The following LRRC4C variants were observed in gnomAD, a reference collection of about 807,000 sequenced individuals.
LRRC4C encodes leucine rich repeat containing 4C.
A neutral mutation model predicts 33.6 loss-of-function variants in LRRC4C; 5 were observed. The ratio of observed to expected loss-of-function variants is 0.15; its 90% CI spans 0.08 to 0.31. The LOEUF is 0.31. Ranked by LOEUF, LRRC4C falls within the 10% of genes least tolerant of loss-of-function variation. The pLI, the probability that LRRC4C is intolerant of heterozygous loss-of-function variation, is 1.00. For missense variants in LRRC4C, 560 were observed against 796.7 expected (o/e 0.70, Z 3.58); for synonymous variants, 329 against 302.0 (o/e 1.09, Z -0.93).
chr11:40,621,081 C>A (rs1302078251), intron 3 of LRRC4C, among the ~76,000 whole-genome samples: 16 of 151,524 alleles, frequency 1.1e-4, no homozygotes, highest in Admixed American at 9.9e-4. Context: ...GGTTTTATCT[C>A]TTCTTTCAGC....
intron 1 of LRRC4C, among the ~76,000 whole-genome samples, chr11:41,168,397 A>G (rs1353037078): frequency 2.0e-5 from 3 of 152,214 alleles, no homozygotes; most frequent in Non-Finnish European, 2.9e-5. Flanking sequence ...TCCACCATTT[A>G]GTTAAATTAC....
chr11:41,030,015 G>C (rs1012317282), intron 1 of LRRC4C, among the ~76,000 whole-genome samples: 3 of 151,720 alleles, frequency 2.0e-5, no homozygotes, highest in African/African-American at 7.3e-5. Flanking sequence ...GATACTGCAG[G>C]GTGAACAAAC....
chr11:40,747,951 G>GA (rs1948505039), intron 2 of LRRC4C, among the ~76,000 whole-genome samples: 1 of 152,030 alleles, frequency 6.6e-6, no homozygotes, highest in Non-Finnish European at 1.5e-5. Flanking sequence ...AGTCCCAAGA[G>GA]GCAAAGAGAG....
intron 3 of LRRC4C, among the ~76,000 whole-genome samples, chr11:40,647,669 C>T (rs774651926): frequency 6.6e-6 from 1 of 152,096 alleles, no homozygotes; most frequent in Non-Finnish European, 1.5e-5. Context: ...AAGAGAGAAT[C>T]GAAAGCCAGC....
At chr11:40,510,156 A>T (rs913966012) in intron 3 of LRRC4C, among the ~76,000 whole-genome samples, 1 of 149,946 alleles carries the variant, frequency 6.7e-6, no homozygotes, top group Non-Finnish European at 1.5e-5. Flanking sequence ...CCTGCAATCA[A>T]TATATATGTA....
At chr11:41,208,939 G>A (rs533217365) in intron 1 of LRRC4C, among the ~76,000 whole-genome samples, 1 of 152,196 alleles carries the variant, frequency 6.6e-6, no homozygotes, top group African/African-American at 2.4e-5. Flanking sequence ...TGAGAAGGTG[G>A]GGCTGCTGCA....
At chr11:40,473,957 A>G (rs1316040065) in intron 3 of LRRC4C, among the ~76,000 whole-genome samples, 1 of 152,328 alleles carries the variant, frequency 6.6e-6, no homozygotes, top group East Asian at 1.9e-4. Flanking sequence ...AAGAGAGGAC[A>G]CAAACAAACG....
At chr11:41,259,032 C>T (rs1380057138) in intron 1 of LRRC4C, among the ~76,000 whole-genome samples, 1 of 152,040 alleles carries the variant, frequency 6.6e-6, no homozygotes, top group African/African-American at 2.4e-5. Context: ...AATTTGCTTG[C>T]TAAAAAGCAT....
chr11:40,122,645 C>T (rs181515355), intron 6 of LRRC4C, among the ~76,000 whole-genome samples: 32 of 152,190 alleles, frequency 2.1e-4, no homozygotes, highest in African/African-American at 7.5e-4. Flanking sequence ...ATAAAGTCAG[C>T]TCTGCTTTAT....
At chr11:41,253,344 C>T (rs1414484487) in intron 1 of LRRC4C, among the ~76,000 whole-genome samples, 1 of 152,078 alleles carries the variant, frequency 6.6e-6, no homozygotes, top group African/African-American at 2.4e-5. Context: ...GTTCATTAAG[C>T]AAAGCTGCTC....
At chr11:41,081,652 A>G (rs1939580062) in intron 1 of LRRC4C, among the ~76,000 whole-genome samples, 1 of 152,136 alleles carries the variant, frequency 6.6e-6, no homozygotes, top group African/African-American at 2.4e-5. Context: ...GGGGTTTCCA[A>G]TATTTTTCTT....
chr11:40,513,265 A>C (rs1255884015), intron 3 of LRRC4C, among the ~76,000 whole-genome samples: 1 of 151,540 alleles, frequency 6.6e-6, no homozygotes, highest in African/African-American at 2.4e-5. Context: ...AAAAAAAAAA[A>C]AAAAGAAAAG....
At chr11:40,481,758 T>G (rs1953582404) in intron 3 of LRRC4C, among the ~76,000 whole-genome samples, 1 of 152,154 alleles carries the variant, frequency 6.6e-6, no homozygotes, top group Non-Finnish European at 1.5e-5. Context: ...TGGTAGGTGT[T>G]TGTTTGTTTG....
At chr11:41,085,974 A>G (rs1338091308) in intron 1 of LRRC4C, among the ~76,000 whole-genome samples, 1 of 150,844 alleles carries the variant, frequency 6.6e-6, no homozygotes, top group East Asian at 1.9e-4. Flanking sequence ...AAAAAACTGA[A>G]TCCTTCCACC....
chr11:40,633,935 G>C (rs1235839635), intron 3 of LRRC4C, among the ~76,000 whole-genome samples: 1 of 152,134 alleles, frequency 6.6e-6, no homozygotes, highest in African/African-American at 2.4e-5. Flanking sequence ...TTTAAAACTT[G>C]TAGACTAAAT....
At chr11:41,001,320 C>G (rs1054831783) in intron 1 of LRRC4C, among the ~76,000 whole-genome samples, 1 of 152,096 alleles carries the variant, frequency 6.6e-6, no homozygotes, top group African/African-American at 2.4e-5. Context: ...GTCTTAAGAT[C>G]GAGCAAGAAG....
intron 2 of LRRC4C, among the ~76,000 whole-genome samples, chr11:40,833,025 A>AT (rs1340144045): frequency 6.6e-6 from 1 of 152,154 alleles, no homozygotes; most frequent in African/African-American, 2.4e-5. Flanking sequence ...GAATTAACCT[A>AT]TTTTAAGGCC....
intron 2 of LRRC4C, among the ~76,000 whole-genome samples, chr11:40,896,335 A>C (rs1438499302): frequency 6.6e-6 from 1 of 152,156 alleles, no homozygotes; most frequent in African/African-American, 2.4e-5. Flanking sequence ...GGAAACACAC[A>C]TGGCATTACC....
At chr11:41,216,290 A>G (rs1347777306) in intron 1 of LRRC4C, among the ~76,000 whole-genome samples, 2 of 152,148 alleles carry the variant, frequency 1.3e-5, no homozygotes, top group Non-Finnish European at 2.9e-5. Flanking sequence ...CGGTGAGTGG[A>G]TAAGTGAAAT....
Sources: allele counts gnomAD v4.1 joint callset (sites outside exome capture counted in the v4.1 genomes callset), GRCh38; gene constraint gnomAD v4.1.1; transcripts MANE v1.5; gene names NCBI Gene and HGNC (gene_info 2026-07-23, HGNC 2026-07-21).